The following ERI1 variants were observed in gnomAD, a reference collection of about 807,000 sequenced individuals.
ERI1 encodes the protein exoribonuclease 1, also known as 3'-5' exoribonuclease 1.
ERI1 carries 39 observed loss-of-function variants against 39.7 expected under a neutral mutation model. The observed-to-expected ratio is 0.98, with a 90% CI of 0.76 to 1.28. The LOEUF (loss-of-function observed/expected upper bound fraction) is 1.28, where lower values mean the gene tolerates loss of function less well. Ranked by LOEUF, ERI1 falls within the 50% of genes most tolerant of loss-of-function variation. The pLI is 0.00. For missense variants in ERI1, 581 were observed against 416.9 expected (o/e 1.39, Z -3.43); for synonymous variants, 204 against 149.6 (o/e 1.36, Z -2.65).
intron 3 of ERI1, among the ~76,000 whole-genome samples, chr8:9,066,626 A>G (rs906393718): frequency 7.9e-5 from 12 of 152,216 alleles, no homozygotes; most frequent in African/African-American, 2.9e-4. Context: ...TATTCAAGGA[A>G]TGTTCAGTTA....
At position 9,021,000 on chromosome 8, in the gene ERI1, C is replaced by T. The variant is rs28538130; in HGVS notation, c.807+536C>T. ...TACTACTTCTTGACTTTTCAGTTTG[C>T]GATCTATTGAATTCCTGCCCTGAAA... is the stretch of plus-strand genomic sequence containing the variant. On this transcript the variant is annotated intron_variant, in intron 6 of 6. Transcript: ENST00000250263. 2.3e-3 allele frequency among the ~76,000 whole-genome samples: 348 copies of T among 152,078 alleles called. 1 individual carries two copies. Among genetic ancestry groups the T allele is most frequent in the African/African-American group, 8.0e-3 (332 of 41,484 alleles).
At chr8:9,041,467 A>G (rs1231826541) in intron 3 of ERI1, among the ~76,000 whole-genome samples, 2 of 152,240 alleles carry the variant, frequency 1.3e-5, no homozygotes, top group Non-Finnish European at 2.9e-5. Context: ...CTTTTAAAAA[A>G]TCGAAATTGT....
chr8:9,073,930 TTTA>T, intron 3 of ERI1, among the ~76,000 whole-genome samples: 1 of 152,022 alleles, frequency 6.6e-6, no homozygotes, highest in Non-Finnish European at 1.5e-5. Flanking sequence ...TTACAAAAAT[TTTA>T]TTATTTTTAA....
At chr8:9,007,573 T>C (rs1816154152) in intron 1 of ERI1, among the ~76,000 whole-genome samples, 2 of 152,218 alleles carry the variant, frequency 1.3e-5, no homozygotes, top group African/African-American at 4.8e-5. Context: ...GCCCAAACAC[T>C]ATTTACCATT....
In ERI1 at chr8:9,066,251, G is replaced by A. The variant is rs142110668; in HGVS notation, n.299+45787G>A. On this transcript the variant is annotated intron_variant and non_coding_transcript_variant, in intron 3 of 3. Coordinates refer to the ERI1 transcript ENST00000518663. Reference sequence around the variant, plus strand: ...CTTCATTGGGGTTCCCACTAGCAGGGGCATCTCTTCCCCTTTCTCCACCTG... The same window carrying A: ...CTTCATTGGGGTTCCCACTAGCAGGAGCATCTCTTCCCCTTTCTCCACCTG... Among the ~76,000 whole-genome samples the A allele has an allele frequency of 1.3e-3, 191 of 152,084 alleles. 1 individual carries two copies. Among genetic ancestry groups the A allele is most frequent in the Admixed American group, 4.6e-3 (71 of 15,284 alleles).
downstream of ERI1, among the ~76,000 whole-genome samples, chr8:9,038,277 T>C (rs1797913860): frequency 6.6e-6 from 1 of 152,188 alleles, no homozygotes; most frequent in South Asian, 2.1e-4. Flanking sequence ...TCCCCTCTTA[T>C]CCGTGGTTTT....
intron 6 of ERI1, among the ~76,000 whole-genome samples, chr8:9,024,981 G>T (rs2979257): frequency 0.016 from 2,391 of 152,186 alleles, 30 homozygotes; most frequent in Non-Finnish European, 0.025. Context: ...AGTTGAAAGT[G>T]CAGTGAAGTG....
chr8:9,005,264 T>C (rs1815859830), intron 1 of ERI1, among the ~76,000 whole-genome samples: 1 of 152,146 alleles, frequency 6.6e-6, no homozygotes, highest in Admixed American at 6.5e-5. Flanking sequence ...ATAATAGCAT[T>C]TCCAGAACAT....
At chr8:9,012,627 A>T (rs78915922) in intron 3 of ERI1, among the ~76,000 whole-genome samples, 6 of 152,344 alleles carry the variant, frequency 3.9e-5, no homozygotes, top group African/African-American at 1.4e-4. Context: ...TATGAAGGCA[A>T]ATAATCTTGC....
rs898746268 is a variant in ERI1, at chr8:9,062,292, C to T, written n.299+41828C>T. On this transcript the variant is annotated intron_variant and non_coding_transcript_variant, in intron 3 of 3. Coordinates refer to the ERI1 transcript ENST00000518663. ...TATCTTATACTTGTGGGTTAAGGTGCGGGGATACGAGAGGAGAATGCGAAG... is the reference window on the plus strand; with the variant it reads ...TATCTTATACTTGTGGGTTAAGGTGTGGGGATACGAGAGGAGAATGCGAAG... Among the ~76,000 whole-genome samples, 5 of 151,566 alleles carry T rather than the reference C, an allele frequency of 3.3e-5. No individual in the cohort carries two copies. The East Asian group carries it at 7.9e-4, about 24-fold the overall frequency.
At chr8:9,068,269 T>A (rs186576884) in intron 3 of ERI1, among the ~76,000 whole-genome samples, 22 of 152,324 alleles carry the variant, frequency 1.4e-4, no homozygotes, top group Middle Eastern at 3.4e-3. Context: ...TCGCACCTCA[T>A]GTGGCTCTCC....
chr8:9,077,706 C>G (rs967675077), intron 3 of ERI1, among the ~76,000 whole-genome samples: 3 of 152,212 alleles, frequency 2.0e-5, no homozygotes, highest in Non-Finnish European at 4.4e-5. Context: ...GACCTTTAGT[C>G]TATTTTCCTG....
chr8:9,080,869 A>G lies in ERI1; in HGVS notation n.300-35479A>G, dbSNP rs113711849. 9.7e-3 allele frequency among the ~76,000 whole-genome samples: 1,484 copies of G among 152,346 alleles called. 12 individuals are homozygous for G. The highest frequency in any genetic ancestry group is 0.013 in the Non-Finnish European group (914 of 68,034). On this transcript the variant is annotated intron_variant and non_coding_transcript_variant, in intron 3 of 3. Transcript: ENST00000518663. ...ACAGCACAGCCCAGAATTGGCTACT[A>G]CTTAAGATTTAATGCTATACTGAAA... is the stretch of plus-strand genomic sequence containing the variant.
intron 1 of ERI1, 48 bp downstream of exon 1, chr8:9,003,219 C>G (rs1815560837): frequency 8.7e-7 from 1 of 1,155,182 alleles, no homozygotes; most frequent in Non-Finnish European, 1.1e-6. Context: ...TGCCCCGTCC[C>G]CAAAGCGCCC....
chr8:9,012,868 T>G (rs11785819), intron 3 of ERI1, among the ~76,000 whole-genome samples: 69,072 of 151,978 alleles, frequency 0.45, 17,075 homozygotes, highest in African/African-American at 0.6. Flanking sequence ...ACTTATATGT[T>G]TATCTCTTTC....
chr8:9,096,510 C>T (rs867786137), intron 3 of ERI1, among the ~76,000 whole-genome samples: 3 of 152,066 alleles, frequency 2.0e-5, no homozygotes, highest in Non-Finnish European at 4.4e-5. Flanking sequence ...ACTTGGACAA[C>T]GTCACTGCTG....
At chr8:9,083,478 A>C (rs1799429739) in intron 3 of ERI1, among the ~76,000 whole-genome samples, 1 of 152,182 alleles carries the variant, frequency 6.6e-6, no homozygotes, top group African/African-American at 2.4e-5. Context: ...AAAAATTTAA[A>C]CATATACCAA....
intron 2 of ERI1, chr8:9,009,010 C>G (rs766450989): frequency 1.5e-5 from 7 of 456,008 alleles, no homozygotes; most frequent in Non-Finnish European, 8.8e-6. Context: ...CTCCTATTTC[C>G]CCGATTCTTT....
At chr8:9,082,052 C>T (rs768502430) in intron 3 of ERI1, among the ~76,000 whole-genome samples, 2 of 152,104 alleles carry the variant, frequency 1.3e-5, no homozygotes, top group Non-Finnish European at 2.9e-5. Context: ...CATTAGAACT[C>T]TTAATATTTG....
Sources: gnomAD v4.1 joint callset for allele counts (sites outside exome capture counted in the v4.1 genomes callset) on GRCh38, gnomAD v4.1.1 for gene constraint, MANE v1.5 for transcripts, NCBI Gene and HGNC (gene_info 2026-07-23, HGNC 2026-07-21) for gene names.